Variants in TRAPPC9 observed in about 807,000 individuals in gnomAD.
The protein encoded by TRAPPC9 is IKK2 binding protein.
A neutral mutation model predicts 124.0 loss-of-function variants in TRAPPC9; 83 were observed. The ratio of observed to expected loss-of-function variants is 0.67; its 90% CI spans 0.56 to 0.80. The LOEUF (loss-of-function observed/expected upper bound fraction) is 0.80. Among genes scored for constraint, TRAPPC9 ranks in the 30% least tolerant of loss-of-function variants. The pLI, the probability that TRAPPC9 is intolerant of heterozygous loss-of-function variation, is 0.00. For synonymous variants in TRAPPC9, 638 were observed against 617.5 expected (o/e 1.03, Z -0.49); for missense variants, 1,302 against 1,508.3 (o/e 0.86, Z 2.27).
At chr8:139,815,973 C>A (rs1298392342) in intron 21 of TRAPPC9, among the ~76,000 whole-genome samples, 1 of 152,202 alleles carries the variant, frequency 6.6e-6, no homozygotes, top group African/African-American at 2.4e-5. Context: ...GGGACACGGG[C>A]AGTGAGTGAC....
intron 17 of TRAPPC9, among the ~76,000 whole-genome samples, chr8:140,054,812 TA>T (rs570231433): frequency 3.4e-5 from 5 of 147,596 alleles, no homozygotes; most frequent in South Asian, 2.2e-4. Context: ...GGCTACATCG[TA>T]AAAAAAAAAC....
At chr8:139,849,252 G>C (rs1232718617) in intron 21 of TRAPPC9, among the ~76,000 whole-genome samples, 1 of 152,226 alleles carries the variant, frequency 6.6e-6, no homozygotes, top group African/African-American at 2.4e-5. Context: ...TGGGTGATGT[G>C]GGTTGGGCCA....
chr8:139,983,371 C>T (rs1314731274), intron 19 of TRAPPC9, among the ~76,000 whole-genome samples: 1 of 152,110 alleles, frequency 6.6e-6, no homozygotes, highest in Admixed American at 6.5e-5. Flanking sequence ...TCAGCATTTC[C>T]ATATTCTCAT....
chr8:139,795,367 A>T (rs1022188326), intron 21 of TRAPPC9, among the ~76,000 whole-genome samples: 2 of 152,140 alleles, frequency 1.3e-5, no homozygotes, highest in African/African-American at 4.8e-5. Context: ...GGAAGATGCC[A>T]CACTTCTCCT....
intron 19 of TRAPPC9, among the ~76,000 whole-genome samples, chr8:139,926,607 T>A (rs58375543): frequency 0.027 from 3,770 of 140,254 alleles, 96 homozygotes; most frequent in East Asian, 0.079. Context: ...TGAATTAAAA[T>A]AAAAAAAAAA....
chr8:139,993,382 T>C (rs953240273), intron 18 of TRAPPC9, among the ~76,000 whole-genome samples: 2 of 152,178 alleles, frequency 1.3e-5, no homozygotes, highest in African/African-American at 2.4e-5. Flanking sequence ...ACCCAACCTA[T>C]TGGTAATATT....
intron 21 of TRAPPC9, among the ~76,000 whole-genome samples, chr8:139,833,523 AG>A (rs1188582610): frequency 6.6e-6 from 1 of 152,216 alleles, no homozygotes; most frequent in Non-Finnish European, 1.5e-5. Flanking sequence ...CTGACTTCAG[AG>A]GTTGGCAGGG....
chr8:140,028,418 C>T (rs1030546885), intron 17 of TRAPPC9, among the ~76,000 whole-genome samples: 4 of 152,218 alleles, frequency 2.6e-5, no homozygotes, highest in East Asian at 3.8e-4. Flanking sequence ...AGAGTACCTA[C>T]TCCATGCCAA....
chr8:139,797,421 TGG>T (rs1402397067), intron 21 of TRAPPC9, among the ~76,000 whole-genome samples: 1 of 152,074 alleles, frequency 6.6e-6, no homozygotes, highest in Non-Finnish European at 1.5e-5. Context: ...CATCATGCCC[TGG>T]GAATTTTTGA....
At chr8:140,318,273 T>A (rs974231722) in intron 9 of TRAPPC9, among the ~76,000 whole-genome samples, 9 of 152,254 alleles carry the variant, frequency 5.9e-5, no homozygotes, top group Non-Finnish European at 1.2e-4. Context: ...TATCATTGCA[T>A]GTATTTATAG....
At position 139,804,792 on chromosome 8, in the gene TRAPPC9, G is replaced by A. The variant is rs146851060; in HGVS notation, c.3056-72590C>T. 9.2e-3 allele frequency among the ~76,000 whole-genome samples: 1,308 copies of A among 142,628 alleles called. 8 individuals carry two copies. Among genetic ancestry groups the A allele is most frequent in the Non-Finnish European group, 0.014 (908 of 65,268 alleles). 93.6% of individuals were successfully genotyped at this position (142,628 alleles called of 152,430 possible). A position where few individuals can be genotyped will look rare whatever the true frequency, so the allele number is the denominator to read the frequency against. On this transcript the variant is annotated intron_variant, in intron 21 of 22. Coordinates refer to ENST00000438773, the MANE Select transcript of TRAPPC9 (RefSeq NM_001160372.4). ...ACCACCACCACCAAGCACCACCGCC[G>A]CAGCCACCACCCACCACCAAGGCAG...
intron 17 of TRAPPC9, among the ~76,000 whole-genome samples, chr8:140,107,254 G>A (rs1459488284): frequency 6.6e-6 from 1 of 152,136 alleles, no homozygotes; most frequent in African/African-American, 2.4e-5. Context: ...CTTACTGTCT[G>A]TACAAGGTCT....
At chr8:140,271,547 T>G (rs1373931671) in intron 15 of TRAPPC9, among the ~76,000 whole-genome samples, 2 of 151,472 alleles carry the variant, frequency 1.3e-5, no homozygotes, top group African/African-American at 4.9e-5. Flanking sequence ...GAAACAGAGA[T>G]AGAGACAGAG....
intron 5 of TRAPPC9, among the ~76,000 whole-genome samples, chr8:140,418,578 G>A (rs1224459870): frequency 6.6e-6 from 1 of 152,142 alleles, no homozygotes; most frequent in Non-Finnish European, 1.5e-5. Flanking sequence ...AAAATTAGCT[G>A]GGAGCAGTGG....
intron 9 of TRAPPC9, 89 bp from the exon 10 acceptor site, chr8:140,311,463 T>C (rs1242505561): frequency 2.0e-6 from 3 of 1,465,384 alleles, no homozygotes; most frequent in Admixed American, 1.7e-5. Context: ...TTCATGACAG[T>C]CCAGTGAGTC....
rs188835309 is a variant in TRAPPC9 at position 140,399,579 on chromosome 8, T to C, written c.1009-1834A>G. Reference sequence around the variant, plus strand: ...ACTTACATGGGCCCTGTAACCCCTTTGTTTTGCCAATTTCTCCCATTTGGA... The same window carrying C: ...ACTTACATGGGCCCTGTAACCCCTTCGTTTTGCCAATTTCTCCCATTTGGA... On this transcript the variant is annotated intron_variant, in intron 6 of 22. Transcript: ENST00000438773. Among the ~76,000 whole-genome samples the C allele has an allele frequency of 2.6e-4, 40 of 152,350 alleles. No individual in the cohort carries two copies. In the East Asian group the frequency reaches 7.5e-3, roughly 29 times the overall value.
In TRAPPC9 at chr8:140,104,250, A is replaced by G. The variant is rs763628179; in HGVS notation, c.2557-80171T>C. Among the ~76,000 whole-genome samples the G allele has an allele frequency of 5.3e-5, 8 of 152,148 alleles. No homozygotes were observed. Among genetic ancestry groups the G allele is most frequent in the Non-Finnish European group, 1.0e-4 (7 of 68,012 alleles). ...AAGCATAGAGCTATGGAGCCAGATG[A>G]AAGACCTCTGCAACAGCCTGAACGG... On this transcript the variant is annotated intron_variant, in intron 17 of 22. Transcript: ENST00000438773. The surrounding 1 kb of genome is among the most constrained non-coding windows in gnomAD (Gnocchi z 4.0).
intron 9 of TRAPPC9, among the ~76,000 whole-genome samples, chr8:140,342,262 C>T (rs142254686): frequency 1.3e-4 from 20 of 152,230 alleles, no homozygotes; most frequent in Admixed American, 3.9e-4. Flanking sequence ...TTCGATACCA[C>T]CCTGGGATGT....
chr8:140,272,141 G>GCAA (rs1265654981), intron 15 of TRAPPC9, among the ~76,000 whole-genome samples: 2 of 151,266 alleles, frequency 1.3e-5, no homozygotes, highest in East Asian at 2.0e-4. Context: ...GATGGTGATG[G>GCAA]TGATGGTGGT....
Sources: gnomAD v4.1 joint callset for allele counts (sites outside exome capture counted in the v4.1 genomes callset) on GRCh38, gnomAD v4.1.1 for gene constraint, Gnocchi (gnomAD v3.1) non-coding constraint, MANE v1.5 for transcripts, NCBI Gene and HGNC (gene_info 2026-07-23, HGNC 2026-07-21) for gene names.